Variants in RYR2 observed in about 807,000 individuals in gnomAD.
RYR2 encodes ryanodine receptor 2.
Under a neutral mutation model 601.1 loss-of-function variants are expected in RYR2, and 227 were observed. The observed-to-expected ratio is 0.38, with a 90% CI of 0.34 to 0.42. RYR2 has a LOEUF of 0.42. Ranked by LOEUF, RYR2 falls within the 10% of genes least tolerant of loss-of-function variation. RYR2 has a pLI of 1.00. For missense variants in RYR2, 4,646 were observed against 6,156.5 expected, an observed-to-expected ratio of 0.75 and a Z score of 8.21; for synonymous variants, 2,223 against 2,175.1, an observed-to-expected ratio of 1.02 and a Z score of -0.61.
intron 42 of RYR2, among the ~76,000 whole-genome samples, chr1:237,631,816 G>C (rs1234579627): frequency 1.3e-5 from 2 of 151,218 alleles, no homozygotes. Flanking sequence ...TTTTAGTAGA[G>C]ACGGGGTTTC....
chr1:237,465,462 G>C (rs182778662), intron 16 of RYR2, among the ~76,000 whole-genome samples: 9 of 152,202 alleles, frequency 5.9e-5, no homozygotes, highest in African/African-American at 2.2e-4. Context: ...TAAAATCAGG[G>C]AAGTTTCCTT....
intron 78 of RYR2, among the ~76,000 whole-genome samples, chr1:237,732,754 C>G (rs186337027): frequency 4.6e-5 from 7 of 152,312 alleles, no homozygotes; most frequent in Non-Finnish European, 7.3e-5. Context: ...CAGCATCTGT[C>G]ATTACGGAGG....
chr1:237,086,791 G>C (rs1666383688), intron 1 of RYR2, among the ~76,000 whole-genome samples: 1 of 152,184 alleles, frequency 6.6e-6, no homozygotes. Context: ...GTTATGGTTT[G>C]AGTATGTAGA....
At chr1:237,103,564 T>C (rs762964931) in intron 1 of RYR2, among the ~76,000 whole-genome samples, 5 of 152,186 alleles carry the variant, frequency 3.3e-5, no homozygotes, top group Non-Finnish European at 7.3e-5. Flanking sequence ...CAGGCTACAT[T>C]GTCCAGTGTC....
At chr1:237,273,901 CAT>C (rs1177134500) in intron 2 of RYR2, among the ~76,000 whole-genome samples, 16 of 145,494 alleles carry the variant, frequency 1.1e-4, no homozygotes, top group Admixed American at 2.8e-4. Flanking sequence ...ATATAATAAA[CAT>C]AACAAAACAT....
intron 1 of RYR2, among the ~76,000 whole-genome samples, chr1:237,049,595 C>T (rs1001602858): frequency 5.3e-5 from 8 of 152,126 alleles, no homozygotes; most frequent in Non-Finnish European, 1.2e-4. Context: ...GAAAGAAAAG[C>T]TTTGAATGAT....
Position 237,634,897 on chromosome 1 carries a change from G to A in RYR2, c.6697G>A (p.Ala2233Thr), listed in dbSNP as rs1160549985. 3.1e-6 allele frequency: 5 copies of A among 1,605,930 alleles called. No homozygotes were observed. Among genetic ancestry groups the A allele is most frequent in the Non-Finnish European group, 4.3e-6 (5 of 1,175,980 alleles). The stretch of plus-strand genomic sequence containing the variant: ...TTCATTTGAATTAATAGCCTCCCCA[G>A]CTATGAGAGGTTCAACACCACTGGA... Reference protein sequence around the residue: ...ENSSVGLASPAMRGSTPLDVA... With the variant: ...ENSSVGLASPTMRGSTPLDVA... Residue 2233 changes from alanine (A) to threonine (T), a missense_variant, in exon 44 of 105, where the codon GCT becomes ACT. By Grantham distance (58) the Ala-to-Thr change is moderately conservative (BLOSUM62 0). Coordinates refer to ENST00000366574, the MANE Select transcript of RYR2 (RefSeq NM_001035.3).
Position 237,445,437 on chromosome 1 carries a change from A to C in RYR2, c.1207A>C (p.Ile403Leu), listed in dbSNP as rs142797573. Residue 403 changes from isoleucine to leucine, a missense_variant, in exon 14 of 105, where the codon ATA (isoleucine) becomes CTA (leucine). Physicochemically the swap from Ile to Leu is conservative, Grantham distance 5. Coordinates refer to ENST00000366574, the MANE Select transcript of RYR2 (RefSeq NM_001035.3). ...MHHEGHMDDG[I>L]SLSRSQHEES... The stretch of plus-strand genomic sequence containing the variant: ...TCATGAAGGCCACATGGATGATGGC[A>C]TAAGTTTGTCGAGATCCCAGCATGA... 1.9e-5 allele frequency: 31 copies of C among 1,613,590 alleles called. No homozygotes were observed. The highest frequency in any genetic ancestry group is 4.0e-5 in the African/African-American group (3 of 74,906).
intron 17 of RYR2, 57 bp downstream of exon 17, chr1:237,469,244 CG>C: frequency 2.5e-6 from 1 of 405,490 alleles, no homozygotes. Context: ...TTCTTTGCTT[CG>C]TATCCTTTAA....
chr1:237,063,604 A>T (rs58948992), intron 1 of RYR2, among the ~76,000 whole-genome samples: 2,435 of 148,692 alleles, frequency 0.016, 62 homozygotes, highest in African/African-American at 0.057. Context: ...ACACATACAC[A>T]CTCTCTCTCT....
At chr1:237,758,245 T>A (rs1311374507) in intron 82 of RYR2, among the ~76,000 whole-genome samples, 1 of 152,222 alleles carries the variant, frequency 6.6e-6, no homozygotes, top group African/African-American at 2.4e-5. Context: ...TTACTTAGTA[T>A]GTATATTCAG....
intron 2 of RYR2, among the ~76,000 whole-genome samples, chr1:237,273,219 A>G (rs535784715): frequency 2.0e-4 from 31 of 151,842 alleles, no homozygotes; most frequent in Non-Finnish European, 4.0e-4. Context: ...TTCTCATAAG[A>G]GGGTGTGCAA....
intron 17 of RYR2, among the ~76,000 whole-genome samples, chr1:237,472,795 A>C (rs1391164752): frequency 6.6e-6 from 1 of 152,134 alleles, no homozygotes; most frequent in Non-Finnish European, 1.5e-5. Context: ...GGCTGTAGAA[A>C]TATGTACACC....
At chr1:237,378,840 T>G (rs1409602545) in intron 8 of RYR2, among the ~76,000 whole-genome samples, 1 of 152,186 alleles carries the variant, frequency 6.6e-6, no homozygotes, top group Non-Finnish European at 1.5e-5. Context: ...GAGGTAATGA[T>G]GAAGACAAGG....
At chr1:237,646,658 G>C (rs1338661136) in intron 48 of RYR2, among the ~76,000 whole-genome samples, 2 of 152,180 alleles carry the variant, frequency 1.3e-5, no homozygotes, top group Admixed American at 1.3e-4. Flanking sequence ...TTCCAAGCTA[G>C]AGTATGCCTC....
chr1:237,426,749 A>G (rs1350487896), intron 12 of RYR2, among the ~76,000 whole-genome samples: 1 of 152,186 alleles, frequency 6.6e-6, no homozygotes, highest in Admixed American at 6.5e-5. Flanking sequence ...GATTTGCCAA[A>G]TTTGAGTATT....
At position 237,493,743 on chromosome 1, in the gene RYR2, C is replaced by T. The variant is rs147831574; in HGVS notation, c.1961+656C>T. On this transcript the variant is annotated intron_variant, in intron 19 of 104. Coordinates refer to ENST00000366574, the MANE Select transcript of RYR2 (RefSeq NM_001035.3). ...CTGGGATTACAGGCGTGAGCCACTG[C>T]GCCCAGCCCCTTCAATATCATTTTG... 8.5e-3 allele frequency among the ~76,000 whole-genome samples: 1,295 copies of T among 152,312 alleles called. 21 individuals are homozygous for T. Among genetic ancestry groups the T allele is most frequent in the East Asian group, 0.047 (244 of 5,184 alleles).
chr1:237,763,754 A>G (rs756772002), intron 84 of RYR2, among the ~76,000 whole-genome samples: 6 of 152,194 alleles, frequency 3.9e-5, no homozygotes, highest in Admixed American at 1.3e-4. Flanking sequence ...TGTAAGGGCC[A>G]CTCATTAGCT....
intron 24 of RYR2, among the ~76,000 whole-genome samples, chr1:237,517,550 T>C (rs1013099374): frequency 6.6e-6 from 1 of 152,054 alleles, no homozygotes; most frequent in Non-Finnish European, 1.5e-5. Flanking sequence ...TGAATTTGTG[T>C]TGGGCCACAT....
Sources: allele counts gnomAD v4.1 joint callset (sites outside exome capture counted in the v4.1 genomes callset), GRCh38; gene constraint gnomAD v4.1.1; transcripts MANE v1.5; gene names NCBI Gene and HGNC (gene_info 2026-07-23, HGNC 2026-07-21).